NKAIN2: variants seen among roughly 807,000 people sequenced by gnomAD.
NKAIN2 encodes sodium/potassium-transporting ATPase subunit beta-1-interacting protein 2.
In NKAIN2, 14 loss-of-function variants were observed where a neutral mutation model predicts 32.6. That is an observed-to-expected ratio of 0.43 (90% CI 0.28 to 0.67). The LOEUF (loss-of-function observed/expected upper bound fraction) is 0.67. Among genes scored for constraint, NKAIN2 ranks in the 30% least tolerant of loss-of-function variants. The pLI is 0.17. For synonymous variants in NKAIN2, 80 were observed against 87.2 expected, an observed-to-expected ratio of 0.92 and a Z score of 0.46; for missense variants, 198 against 258.3, an observed-to-expected ratio of 0.77 and a Z score of 1.60.
At chr6:124,496,009 A>G (rs1289151228) in intron 3 of NKAIN2, among the ~76,000 whole-genome samples, 2 of 152,296 alleles carry the variant, frequency 1.3e-5, no homozygotes, top group South Asian at 2.1e-4. Context: ...GCATGAAAAC[A>G]AATTAAGATG....
chr6:124,587,432 C>G (rs989724253), intron 3 of NKAIN2, among the ~76,000 whole-genome samples: 3 of 151,356 alleles, frequency 2.0e-5, no homozygotes, highest in Non-Finnish European at 2.9e-5. Context: ...GTTAGTCAGG[C>G]TGGTCTCGAA....
chr6:124,370,061 A>G (rs1799687039), intron 3 of NKAIN2, among the ~76,000 whole-genome samples: 2 of 151,630 alleles, frequency 1.3e-5, no homozygotes, highest in Non-Finnish European at 1.5e-5. Flanking sequence ...TGCCTTTCAT[A>G]TGATGACAAA....
intron 4 of NKAIN2, among the ~76,000 whole-genome samples, chr6:124,671,246 TCTC>T (rs1562316338): frequency 6.6e-6 from 1 of 152,136 alleles, no homozygotes; most frequent in Non-Finnish European, 1.5e-5. Flanking sequence ...TCATTATATC[TCTC>T]CTCCTTTCCC....
chr6:124,161,833 T>G (rs186155417), intron 1 of NKAIN2, among the ~76,000 whole-genome samples: 1 of 152,152 alleles, frequency 6.6e-6, no homozygotes, highest in East Asian at 1.9e-4. Flanking sequence ...GAAAAACTGT[T>G]GAGTACTATG....
At chr6:124,076,230 A>G (rs1269304792) in intron 1 of NKAIN2, among the ~76,000 whole-genome samples, 1 of 152,238 alleles carries the variant, frequency 6.6e-6, no homozygotes, top group African/African-American at 2.4e-5. Flanking sequence ...AGGATTCAGC[A>G]GCAACAGCAA....
At chr6:123,880,372 TA>T (rs1202299590) in intron 1 of NKAIN2, among the ~76,000 whole-genome samples, 1 of 152,180 alleles carries the variant, frequency 6.6e-6, no homozygotes, top group Admixed American at 6.5e-5. Context: ...CATAAAATTA[TA>T]AGAATTCACT....
At position 124,682,134 on chromosome 6, in the gene NKAIN2, G is replaced by GT. The variant is rs201372408; in HGVS notation, c.474+23758dup. ...CTTTTCATTTTCACCAGTAAAAAAT[G>GT]TTTTTTTTTTACAAATAAAAATTAT... On this transcript the variant is annotated intron_variant, in intron 4 of 6. Transcript: ENST00000368417. Among the ~76,000 whole-genome samples, 711 of 147,068 alleles carry GT rather than the reference G, an allele frequency of 4.8e-3. 7 individuals are homozygous for GT. Among genetic ancestry groups the GT allele is most frequent in the African/African-American group, 0.012 (467 of 40,086 alleles).
chr6:124,556,086 CAAAAAA>C (rs10592574), intron 3 of NKAIN2, among the ~76,000 whole-genome samples: 3 of 135,120 alleles, frequency 2.2e-5, no homozygotes, highest in African/African-American at 5.4e-5. Context: ...GTTTGCTATG[CAAAAAA>C]AAAAAAAAAA....
rs530471332 is a variant in NKAIN2 at position 123,897,942 on chromosome 6, T to A, written c.54+93688T>A. Among the ~76,000 whole-genome samples, 7 of 152,290 alleles carry A rather than the reference T, an allele frequency of 4.6e-5. No individual in the cohort carries two copies. In the East Asian group the frequency reaches 1.4e-3, roughly 29 times the overall value. On this transcript the variant is annotated intron_variant, in intron 1 of 6. Transcript: ENST00000368417. ...AGAGCTTTCACATATGTGCAGAAAGTTTGCATGTCCCATTGAGGCTTCATT... is the reference window on the plus strand; with the variant it reads ...AGAGCTTTCACATATGTGCAGAAAGATTGCATGTCCCATTGAGGCTTCATT...
intron 2 of NKAIN2, among the ~76,000 whole-genome samples, chr6:124,333,150 A>G (rs1267441555): frequency 2.0e-5 from 3 of 152,298 alleles, no homozygotes; most frequent in African/African-American, 2.4e-5. Flanking sequence ...AGTCCACTCA[A>G]TATAGAATAT....
chr6:124,549,655 C>T (rs1369027064), intron 3 of NKAIN2, among the ~76,000 whole-genome samples: 2 of 152,214 alleles, frequency 1.3e-5, no homozygotes, highest in East Asian at 1.9e-4. Flanking sequence ...CTCCTCGAAT[C>T]TGAGACAGGT....
chr6:123,831,268 A>G (rs897485335), intron 1 of NKAIN2, among the ~76,000 whole-genome samples: 3 of 151,832 alleles, frequency 2.0e-5, no homozygotes, highest in African/African-American at 7.2e-5. Context: ...CTAGCTATCT[A>G]ATTTTATATA....
intron 1 of NKAIN2, among the ~76,000 whole-genome samples, chr6:124,130,915 G>A (rs1397648238): frequency 1.3e-5 from 2 of 152,094 alleles, no homozygotes; most frequent in Non-Finnish European, 2.9e-5. Context: ...AAACCAAACT[G>A]CTCATTCAGG....
chr6:123,997,203 A>G (rs7754419), intron 1 of NKAIN2, among the ~76,000 whole-genome samples: 8,253 of 152,240 alleles, frequency 0.054, 331 homozygotes, highest in South Asian at 0.13. Context: ...GTTTTTAATA[A>G]CTCTAGCTTC....
chr6:124,783,542 TG>T lies in NKAIN2; in HGVS notation c.475-7796del, dbSNP rs544760890. Reference sequence around the variant, plus strand: ...CAATAGCCCTGGAGGCAATCCTCCATGTGTTATTGCAGGTTGATAACTGCAC... The same window carrying T: ...CAATAGCCCTGGAGGCAATCCTCCATTGTTATTGCAGGTTGATAACTGCAC... On this transcript the variant is annotated intron_variant, in intron 4 of 6. Coordinates refer to ENST00000368417, the MANE Select transcript of NKAIN2 (RefSeq NM_001040214.3). Among the ~76,000 whole-genome samples the T allele has an allele frequency of 7.0e-4, 106 of 152,280 alleles. 1 individual carries two copies. The highest frequency in any genetic ancestry group is 2.5e-3 in the African/African-American group (102 of 41,566).
At chr6:124,133,812 A>C (rs1217841436) in intron 1 of NKAIN2, among the ~76,000 whole-genome samples, 2 of 152,152 alleles carry the variant, frequency 1.3e-5, no homozygotes, top group Non-Finnish European at 2.9e-5. Flanking sequence ...AAATTAGGCT[A>C]AAATAAACAT....
At chr6:124,571,953 C>T (rs1239145275) in intron 3 of NKAIN2, among the ~76,000 whole-genome samples, 1 of 152,164 alleles carries the variant, frequency 6.6e-6, no homozygotes, top group Non-Finnish European at 1.5e-5. Context: ...CTTCTTCTCC[C>T]ACTCACTCTG....
intron 4 of NKAIN2, among the ~76,000 whole-genome samples, chr6:124,682,940 T>C (rs1000088499): frequency 1.3e-5 from 2 of 152,136 alleles, no homozygotes; most frequent in Admixed American, 1.3e-4. Context: ...CTCCCACAGC[T>C]CTCCTGTCAT....
chr6:124,465,162 A>G (rs1426924118), intron 3 of NKAIN2, among the ~76,000 whole-genome samples: 1 of 152,094 alleles, frequency 6.6e-6, no homozygotes, highest in Non-Finnish European at 1.5e-5. Flanking sequence ...AAATATTTCT[A>G]CTATAAAGAC....
Sources: gnomAD v4.1 joint callset for allele counts (sites outside exome capture counted in the v4.1 genomes callset) on GRCh38, gnomAD v4.1.1 for gene constraint, MANE v1.5 for transcripts, NCBI Gene and HGNC (gene_info 2026-07-23, HGNC 2026-07-21) for gene names.